Variants in SLC6A6 observed in about 807,000 individuals in gnomAD.
SLC6A6 encodes the protein solute carrier family 6 member 6, also known as sodium- and chloride-dependent taurine transporter.
In SLC6A6, 16 loss-of-function variants were observed where a neutral mutation model predicts 68.8. That is an observed-to-expected ratio of 0.23 (90% CI 0.16 to 0.35). The LOEUF is 0.35. Among genes scored for constraint, SLC6A6 ranks in the 10% least tolerant of loss-of-function variants. SLC6A6 has a pLI of 1.00. For missense variants in SLC6A6, 474 were observed against 802.8 expected (o/e 0.59, Z 4.95); for synonymous variants, 312 against 315.4 (o/e 0.99, Z 0.12).
intron 1 of SLC6A6, among the ~76,000 whole-genome samples, chr3:14,407,509 TC>T (rs1302499974): frequency 1.3e-5 from 2 of 150,834 alleles, no homozygotes. Flanking sequence ...GTTTTCTTTT[TC>T]TTTTTTTTTT....
chr3:14,405,675 C>T (rs1028646313), intron 1 of SLC6A6, among the ~76,000 whole-genome samples: 1 of 152,148 alleles, frequency 6.6e-6, no homozygotes, highest in Non-Finnish European at 1.5e-5. Flanking sequence ...CCAGAGCGTT[C>T]GTTTGAATTT....
chr3:14,434,626 G>A (rs564956258), intron 2 of SLC6A6, among the ~76,000 whole-genome samples: 21 of 152,288 alleles, frequency 1.4e-4, no homozygotes, highest in Admixed American at 3.9e-4. Flanking sequence ...TTCTGACCTC[G>A]CCCACTGCCC....
chr3:14,421,670 C>T lies in SLC6A6; in HGVS notation c.-12+5217C>T, dbSNP rs573866019. Among the ~76,000 whole-genome samples the T allele has an allele frequency of 5.9e-5, 9 of 152,322 alleles. No homozygotes were observed. In the East Asian group the frequency reaches 1.2e-3, roughly 20 times the overall value. ...CATCTGCAGCCCTCTACAGTTTGCA[C>T]GGTTTTTCCAGCTTTGATACCTACA... On this transcript the variant is annotated intron_variant, in intron 2 of 14. Coordinates refer to ENST00000622186, the MANE Select transcript of SLC6A6 (RefSeq NM_003043.6).
chr3:14,436,530 C>CTTTTTTTTTTTTT (rs1699854923), intron 2 of SLC6A6, among the ~76,000 whole-genome samples: 2 of 125,080 alleles, frequency 1.6e-5, no homozygotes, highest in Non-Finnish European at 3.4e-5. Context: ...ACAACAACTC[C>CTTTTTTTTTTTTT]CTTTTTTTTT....
chr3:14,461,958 A>G (rs1282626393), intron 6 of SLC6A6, among the ~76,000 whole-genome samples: 1 of 152,030 alleles, frequency 6.6e-6, no homozygotes, highest in East Asian at 1.9e-4. Context: ...CCTCTTTTCT[A>G]CTGCCCAGAG....
chr3:14,448,594 G>GACA (rs1700186451), intron 5 of SLC6A6, among the ~76,000 whole-genome samples: 1 of 152,184 alleles, frequency 6.6e-6, no homozygotes, highest in Non-Finnish European at 1.5e-5. Context: ...GCCTCTGTCT[G>GACA]TATCATTTTT....
At chr3:14,441,361 G>A (rs1249465257) in intron 2 of SLC6A6, among the ~76,000 whole-genome samples, 1 of 152,106 alleles carries the variant, frequency 6.6e-6, no homozygotes, top group African/African-American at 2.4e-5. Flanking sequence ...GGCTGTGCAA[G>A]TCAATGCTGG....
chr3:14,483,035 G>A (rs1701044345), intron 14 of SLC6A6, among the ~76,000 whole-genome samples: 1 of 151,644 alleles, frequency 6.6e-6, no homozygotes, highest in Non-Finnish European at 1.5e-5. Context: ...ATTGGTCTAG[G>A]GGTCTCTGCT....
rs34038422 is a variant in SLC6A6 at position 14,437,994 on chromosome 3, AT to A, written c.-11-5608del. Among the ~76,000 whole-genome samples, 421 of 118,290 alleles carry A rather than the reference AT, an allele frequency of 3.6e-3. 2 individuals carry two copies. The highest frequency in any genetic ancestry group is 7.5e-3 in the African/African-American group (225 of 30,150). 77.6% of individuals were successfully genotyped at this position (118,290 alleles called of 152,430 possible). ...AGGAGTGCATCACATCATCTGGCTA[AT>A]TTTTTTTTTTTTTTTTTTTTTGTAT... On this transcript the variant is annotated intron_variant, in intron 2 of 14. Coordinates refer to ENST00000622186, the MANE Select transcript of SLC6A6 (RefSeq NM_003043.6).
intron 13 of SLC6A6, among the ~76,000 whole-genome samples, chr3:14,479,429 A>T (rs1700958188): frequency 6.6e-6 from 1 of 152,244 alleles, no homozygotes; most frequent in Admixed American, 6.5e-5. Context: ...CAGAGGAGCC[A>T]GCCTGTGCGG....
In SLC6A6 at chr3:14,451,131, C is replaced by T. The variant is rs192250327; in HGVS notation, c.599+3315C>T. Among the ~76,000 whole-genome samples the T allele has an allele frequency of 4.6e-5, 7 of 152,314 alleles. No individual in the cohort carries two copies. In the East Asian group the frequency reaches 1.4e-3, roughly 29 times the overall value. On this transcript the variant is annotated intron_variant, in intron 5 of 14. Transcript: ENST00000622186. ...CTCCGTAACCAATTCTGAATCCAACCTGTTAATTCCCAGCTCAGAACCCTC... is the reference window on the plus strand; with the variant it reads ...CTCCGTAACCAATTCTGAATCCAACTTGTTAATTCCCAGCTCAGAACCCTC...
chr3:14,464,222 C>T (rs558788238), intron 6 of SLC6A6, among the ~76,000 whole-genome samples: 3 of 152,326 alleles, frequency 2.0e-5, no homozygotes, highest in African/African-American at 7.2e-5. Context: ...GGCCTCCCTA[C>T]TGGCTGCCCT....
intron 6 of SLC6A6, among the ~76,000 whole-genome samples, chr3:14,459,243 A>T (rs773797638): frequency 1.6e-4 from 24 of 152,226 alleles, no homozygotes; most frequent in Non-Finnish European, 2.8e-4. Context: ...GAGCGTCTTA[A>T]GGTAGCATTC....
intron 7 of SLC6A6, among the ~76,000 whole-genome samples, 196 bp from the exon 8 acceptor site, chr3:14,467,657 G>A (rs1700651266): frequency 6.6e-6 from 1 of 152,202 alleles, no homozygotes; most frequent in African/African-American, 2.4e-5. Flanking sequence ...GAGGTGGGGT[G>A]TTTGATTTCT....
At chr3:14,475,333 G>GTTTTTTTTAACAAATTGTGA (rs1700851387) in intron 10 of SLC6A6, among the ~76,000 whole-genome samples, 1 of 151,994 alleles carries the variant, frequency 6.6e-6, no homozygotes, top group African/African-American at 2.4e-5. Context: ...CACCCAGCTG[G>GTTTTTTTTAACAAATTGTGA]GACATGGTTT....
intron 9 of SLC6A6, among the ~76,000 whole-genome samples, chr3:14,471,496 C>T (rs1700751426): frequency 6.6e-6 from 1 of 152,130 alleles, no homozygotes; most frequent in South Asian, 2.1e-4. Flanking sequence ...AAACTGAGGC[C>T]CTGAGAGGGT....
rs1700949939 is a variant in SLC6A6 at position 14,479,121 on chromosome 3, T to C, written c.1487T>C (p.Ile496Thr). Reference sequence around the variant, plus strand: ...CTTTATGATGGTATTGAGGACATGATTGGCTATCGGCCCGGGCCCTGGATG... The same window carrying C: ...CTTTATGATGGTATTGAGGACATGACTGGCTATCGGCCCGGGCCCTGGATG... ...DNLYDGIEDM[I>T]GYRPGPWMKY... Residue 496 changes from isoleucine (I) to threonine (T), a missense_variant, in exon 13 of 15, where the codon ATT becomes ACT. Ile to Thr is a moderately conservative substitution (Grantham distance 89). This residue lies in a region of SLC6A6 where 194 missense variants were observed against 269.8 expected (regional missense o/e 0.72). Coordinates refer to ENST00000622186, the MANE Select transcript of SLC6A6 (RefSeq NM_003043.6). The C allele has an allele frequency of 6.2e-7, 1 of 1,613,470 alleles. No individual in the cohort carries two copies. Among genetic ancestry groups the C allele is most frequent in the Non-Finnish European group, 8.5e-7 (1 of 1,179,396 alleles).
intron 6 of SLC6A6, among the ~76,000 whole-genome samples, chr3:14,464,487 T>G (rs1469102253): frequency 6.6e-6 from 1 of 152,244 alleles, no homozygotes; most frequent in Non-Finnish European, 1.5e-5. Flanking sequence ...ACACAGTAAG[T>G]GCTCAATAAA....
Position 14,443,655 on chromosome 3 carries a change from G to C in SLC6A6, c.21G>C (p.Leu7=). ...AGGAGATGGCCACCAAGGAGAAGCT[G>C]CAGTGTCTGAAAGATTTCCACAAGG... MATKEK[L]QCLKDFHKDI... Residue 7 remains leucine, a synonymous_variant, in exon 3 of 15, where the codon CTG becomes CTC. Transcript: ENST00000622186. 6.2e-7 allele frequency: 1 copy of C among 1,612,440 alleles called. No individual in the cohort carries two copies. Among genetic ancestry groups the C allele is most frequent in the Non-Finnish European group, 8.5e-7 (1 of 1,178,566 alleles).
Sources: gnomAD v4.1 joint callset for allele counts (sites outside exome capture counted in the v4.1 genomes callset) on GRCh38, gnomAD v4.1.1 for gene constraint, gnomAD v4.1.1 regional missense constraint, MANE v1.5 for transcripts, NCBI Gene and HGNC (gene_info 2026-07-23, HGNC 2026-07-21) for gene names.